The following NFIB variants were observed in gnomAD, a reference collection of about 807,000 sequenced individuals.
NFIB encodes nuclear factor 1 B-type.
A neutral mutation model predicts 61.5 loss-of-function variants in NFIB; 11 were observed. That is an observed-to-expected ratio of 0.18 (90% CI 0.11 to 0.30). The LOEUF is 0.30. Ranked by LOEUF, NFIB falls within the 10% of genes least tolerant of loss-of-function variation. NFIB has a pLI of 1.00. For missense variants in NFIB, 471 were observed against 608.9 expected, an observed-to-expected ratio of 0.77 and a Z score of 2.38; for synonymous variants, 260 against 216.5, an observed-to-expected ratio of 1.20 and a Z score of -1.76.
In NFIB at chr9:14,278,555, CGAGCCCCTGAGT is replaced by C. The variant is rs2058161770; in HGVS notation, c.562+28422_562+28433del. Among the ~76,000 whole-genome samples the C allele has an allele frequency of 9.2e-5, 14 of 152,222 alleles. No individual in the cohort carries two copies. The South Asian group carries it at 2.7e-3, about 29-fold the overall frequency. On this transcript the variant is annotated intron_variant, in intron 2 of 10. Transcript: ENST00000380953. ...TCAATGGCTGAGGAAAGAAAAGAGG[CGAGCCCCTGAGT>C]GAGCGGAGCCTAGAATGTTTGGGTT...
chr9:14,231,135 A>AATATATATATATATATATATATAT (rs1554681460), intron 2 of NFIB, among the ~76,000 whole-genome samples: 1 of 35,342 alleles, frequency 2.8e-5, no homozygotes, highest in African/African-American at 1.0e-4. Flanking sequence ...AAAAAAAAAA[A>AATATATATATATATATATATATAT]ATATATATAT....
the NFIB span, among the ~76,000 whole-genome samples, chr9:14,416,277 C>T: frequency 6.6e-6 from 1 of 152,092 alleles, no homozygotes; most frequent in Non-Finnish European, 1.5e-5. Context: ...TTAGAGTATA[C>T]CTCCTTCTAC....
chr9:14,106,802 CAATTAGCTTTGGGAACA>C (rs1563790391), intron 10 of NFIB, among the ~76,000 whole-genome samples: 1 of 151,980 alleles, frequency 6.6e-6, no homozygotes, highest in Non-Finnish European at 1.5e-5. Flanking sequence ...AAATACACAG[CAATTAGCTTTGGGAACA>C]AAAGAAAGAA....
At chr9:14,433,922 A>G in the NFIB span, among the ~76,000 whole-genome samples, 1 of 152,322 alleles carries the variant, frequency 6.6e-6, no homozygotes, top group African/African-American at 2.4e-5. Context: ...GTTCTCTTCC[A>G]AAAACCTTCT....
the NFIB span, among the ~76,000 whole-genome samples, chr9:14,518,868 C>G: frequency 6.6e-6 from 1 of 152,068 alleles, no homozygotes; most frequent in African/African-American, 2.4e-5. Context: ...TGGATCGGAG[C>G]AGTGGAGTCT....
chr9:14,167,416 C>A (rs557365085), intron 3 of NFIB, among the ~76,000 whole-genome samples: 8 of 152,018 alleles, frequency 5.3e-5, no homozygotes, highest in Non-Finnish European at 8.8e-5. Context: ...GCCTCTAGTG[C>A]CAGCTGCTCA....
chr9:14,166,425 C>A (rs1352385882), intron 3 of NFIB, among the ~76,000 whole-genome samples: 1 of 152,114 alleles, frequency 6.6e-6, no homozygotes, highest in Non-Finnish European at 1.5e-5. Flanking sequence ...AAGTATTCTC[C>A]CACTGTCTCC....
intron 2 of NFIB, among the ~76,000 whole-genome samples, chr9:14,186,949 A>G (rs1418266452): frequency 6.6e-6 from 1 of 151,634 alleles, no homozygotes; most frequent in Non-Finnish European, 1.5e-5. Flanking sequence ...TCTCATAAGC[A>G]TGTAAATGTT....
chr9:14,194,568 G>C (rs1003780287), intron 2 of NFIB, among the ~76,000 whole-genome samples: 1 of 151,992 alleles, frequency 6.6e-6, no homozygotes. Context: ...AAAGAAAAAA[G>C]ACAATAAGAA....
intron 2 of NFIB, among the ~76,000 whole-genome samples, chr9:14,243,236 T>C (rs2054533491): frequency 6.6e-6 from 1 of 152,216 alleles, no homozygotes; most frequent in Non-Finnish European, 1.5e-5. Context: ...GAGGTTTCTT[T>C]ATTGTTTTAC....
At chr9:14,482,291 G>T in the NFIB span, among the ~76,000 whole-genome samples, 1 of 152,024 alleles carries the variant, frequency 6.6e-6, no homozygotes, top group Non-Finnish European at 1.5e-5. Context: ...CTGACCAAGG[G>T]CATAGTTAGC....
chr9:14,402,150 C>T (rs955484057), upstream of NFIB, among the ~76,000 whole-genome samples: 1 of 152,142 alleles, frequency 6.6e-6, no homozygotes, highest in Non-Finnish European at 1.5e-5. Flanking sequence ...ACTGATCACA[C>T]ATTATCTTTA....
intron 2 of NFIB, among the ~76,000 whole-genome samples, chr9:14,271,942 C>T (rs1472085879): frequency 1.3e-5 from 2 of 152,036 alleles, no homozygotes; most frequent in African/African-American, 2.4e-5. Flanking sequence ...ATAACTTTAG[C>T]AAAGAAATAC....
intron 6 of NFIB, 35 bp from the exon 7 acceptor site, chr9:14,125,801 A>C: frequency 1.9e-6 from 3 of 1,609,234 alleles, no homozygotes; most frequent in Non-Finnish European, 2.5e-6. Flanking sequence ...AAGCTCCATG[A>C]CTTTCTTAAG....
chr9:14,360,043 C>T (rs891046820), intron 1 of NFIB, among the ~76,000 whole-genome samples: 19 of 152,186 alleles, frequency 1.2e-4, no homozygotes, highest in Non-Finnish European at 1.2e-4. Context: ...AAGTGCTCAT[C>T]TGCACAGAGA....
intron 2 of NFIB, among the ~76,000 whole-genome samples, chr9:14,197,694 C>T (rs1563890805): frequency 6.6e-6 from 1 of 152,284 alleles, no homozygotes; most frequent in East Asian, 1.9e-4. Context: ...TTTGACAGAA[C>T]ATGTGTTCCA....
intron 2 of NFIB, among the ~76,000 whole-genome samples, chr9:14,249,489 T>G (rs7874591): frequency 6.6e-6 from 1 of 152,024 alleles, no homozygotes; most frequent in Non-Finnish European, 1.5e-5. Context: ...TTTTTAAGAT[T>G]GCGTCTCACT....
chr9:14,092,142 C>A (rs1411741132), intron 10 of NFIB, among the ~76,000 whole-genome samples: 1 of 152,010 alleles, frequency 6.6e-6, no homozygotes, highest in African/African-American at 2.4e-5. Context: ...GGAAGAAAAC[C>A]TAACTTTATG....
chr9:14,398,585 G>C, exon 1 of NFIB: 1 of 1,535,080 alleles, frequency 6.5e-7, no homozygotes, highest in Non-Finnish European at 8.7e-7. Flanking sequence ...TTTCAGAACT[G>C]CACAGCAGAC....
Sources: allele counts gnomAD v4.1 joint callset (sites outside exome capture counted in the v4.1 genomes callset), GRCh38; gene constraint gnomAD v4.1.1; transcripts MANE v1.5; gene names NCBI Gene and HGNC (gene_info 2026-07-23, HGNC 2026-07-21).